GRIK2: variants seen among roughly 807,000 people sequenced by gnomAD.
The protein encoded by GRIK2 is glutamate receptor ionotropic, kainate 2.
Under a neutral mutation model 100.3 loss-of-function variants are expected in GRIK2, and 32 were observed. The observed-to-expected ratio is 0.32, with a 90% CI of 0.24 to 0.43. GRIK2 has a LOEUF of 0.43. GRIK2 is among the 20% of genes least tolerant of loss of function. The pLI is 1.00. For missense variants in GRIK2, 843 were observed against 1,114.9 expected (o/e 0.76, Z 3.47); for synonymous variants, 417 against 389.4 (o/e 1.07, Z -0.83).
intron 7 of GRIK2, among the ~76,000 whole-genome samples, chr6:101,692,210 G>C (rs186358404): frequency 5.3e-4 from 81 of 151,982 alleles, no homozygotes; most frequent in African/African-American, 1.8e-3. Flanking sequence ...TAATTCATTT[G>C]AAATGAATAT....
At chr6:101,808,623 T>C (rs1781145305) in intron 9 of GRIK2, among the ~76,000 whole-genome samples, 1 of 152,030 alleles carries the variant, frequency 6.6e-6, no homozygotes, top group African/African-American at 2.4e-5. Context: ...CCAATCTGAT[T>C]ACTTTGTGGA....
chr6:101,513,085 C>T (rs1004209608), intron 2 of GRIK2, among the ~76,000 whole-genome samples: 11 of 151,946 alleles, frequency 7.2e-5, no homozygotes, highest in African/African-American at 2.7e-4. Flanking sequence ...ACGCAGCCTC[C>T]AGGAAGTCTT....
intron 2 of GRIK2, among the ~76,000 whole-genome samples, chr6:101,466,384 A>G (rs1260015532): frequency 1.3e-5 from 2 of 151,650 alleles, no homozygotes; most frequent in African/African-American, 4.8e-5. Flanking sequence ...ATATTGTTAT[A>G]TTACTATTGT....
intron 2 of GRIK2, among the ~76,000 whole-genome samples, chr6:101,441,328 G>A (rs1770038656): frequency 6.6e-6 from 1 of 151,962 alleles, no homozygotes; most frequent in Admixed American, 6.6e-5. Context: ...CTGAAATGTT[G>A]GTGAATAAAA....
chr6:101,494,053 A>G (rs1283455612), intron 2 of GRIK2, among the ~76,000 whole-genome samples: 1 of 146,212 alleles, frequency 6.8e-6, no homozygotes, highest in East Asian at 2.0e-4. Context: ...TAAAATATAT[A>G]TGATATTTTT....
intron 14 of GRIK2, among the ~76,000 whole-genome samples, chr6:102,019,731 CA>C (rs1769322965): frequency 6.6e-6 from 1 of 152,006 alleles, no homozygotes; most frequent in Non-Finnish European, 1.5e-5. Context: ...GGAATCACAG[CA>C]AGAGCATTGC....
chr6:101,609,644 C>T (rs968359162), intron 2 of GRIK2, among the ~76,000 whole-genome samples: 1 of 151,750 alleles, frequency 6.6e-6, no homozygotes, highest in African/African-American at 2.4e-5. Flanking sequence ...ATACATGAGA[C>T]ACTCTCATAT....
intron 4 of GRIK2, among the ~76,000 whole-genome samples, chr6:101,629,765 C>T (rs970525120): frequency 6.6e-6 from 1 of 151,978 alleles, no homozygotes; most frequent in Non-Finnish European, 1.5e-5. Flanking sequence ...AGGTTTGTTA[C>T]AAGGCTATAT....
At chr6:101,592,453 G>T (rs1271936151) in intron 2 of GRIK2, among the ~76,000 whole-genome samples, 1 of 147,460 alleles carries the variant, frequency 6.8e-6, no homozygotes, top group Non-Finnish European at 1.5e-5. Context: ...TAGAAAGGAG[G>T]TATGCTTTGG....
intron 7 of GRIK2, among the ~76,000 whole-genome samples, chr6:101,730,932 A>C (rs1775223188): frequency 6.6e-6 from 1 of 151,902 alleles, no homozygotes; most frequent in Non-Finnish European, 1.5e-5. Flanking sequence ...TTAGTAAACT[A>C]TGCTTCTCAC....
chr6:101,778,372 CTA>C (rs1778878171), intron 7 of GRIK2, among the ~76,000 whole-genome samples: 1 of 152,066 alleles, frequency 6.6e-6, no homozygotes, highest in South Asian at 2.1e-4. Context: ...ACATTATAAA[CTA>C]CACATATTTA....
chr6:101,996,696 A>G (rs1794668174), intron 14 of GRIK2, among the ~76,000 whole-genome samples: 1 of 152,094 alleles, frequency 6.6e-6, no homozygotes, highest in Non-Finnish European at 1.5e-5. Flanking sequence ...TACTTTATTC[A>G]AGAAGCAGGA....
chr6:101,432,757 A>G (rs1348016776), intron 2 of GRIK2, among the ~76,000 whole-genome samples: 2 of 152,206 alleles, frequency 1.3e-5, no homozygotes, highest in African/African-American at 4.8e-5. Flanking sequence ...GAATAGGATT[A>G]AAGAGCACAA....
chr6:101,485,473 A>G (rs1772770577), intron 2 of GRIK2, among the ~76,000 whole-genome samples: 1 of 152,174 alleles, frequency 6.6e-6, no homozygotes, highest in East Asian at 1.9e-4. Flanking sequence ...GAACTACTAA[A>G]TCACTAAGTA....
At chr6:102,056,916 A>T (rs1771490965) in intron 16 of GRIK2, among the ~76,000 whole-genome samples, 1 of 152,020 alleles carries the variant, frequency 6.6e-6, no homozygotes, top group East Asian at 1.9e-4. Flanking sequence ...GAATTCAGAA[A>T]ATAACATGAT....
chr6:101,493,389 A>C (rs1417536611), intron 2 of GRIK2, among the ~76,000 whole-genome samples: 1 of 152,098 alleles, frequency 6.6e-6, no homozygotes, highest in Non-Finnish European at 1.5e-5. Context: ...GCCTACAAAG[A>C]AGCAAAATCT....
At chr6:101,612,693 T>G (rs1048060562) in intron 2 of GRIK2, among the ~76,000 whole-genome samples, 19 of 149,874 alleles carry the variant, frequency 1.3e-4, no homozygotes, top group Non-Finnish European at 2.7e-4. Context: ...CAATGAGAGA[T>G]AAATTTACAG....
At chr6:101,671,132 G>C (rs1054777981) in intron 4 of GRIK2, among the ~76,000 whole-genome samples, 1 of 152,148 alleles carries the variant, frequency 6.6e-6, no homozygotes, top group Non-Finnish European at 1.5e-5. Flanking sequence ...TTGTGAGAAT[G>C]ATAGAAATTT....
chr6:102,011,734 G>A (rs1272790446), intron 14 of GRIK2, among the ~76,000 whole-genome samples: 2 of 151,518 alleles, frequency 1.3e-5, no homozygotes, highest in African/African-American at 2.4e-5. Context: ...GCAGGCACCT[G>A]CCACCACGCC....
Sources: gnomAD v4.1 joint callset for allele counts (sites outside exome capture counted in the v4.1 genomes callset) on GRCh38, gnomAD v4.1.1 for gene constraint, MANE v1.5 for transcripts, NCBI Gene and HGNC (gene_info 2026-07-23, HGNC 2026-07-21) for gene names.